Variants in LMNTD1 observed in about 807,000 individuals in gnomAD.
LMNTD1 encodes lamin tail domain-containing protein 1.
In LMNTD1, 35 loss-of-function variants were observed where a neutral mutation model predicts 50.9. That is an observed-to-expected ratio of 0.69 (90% CI 0.53 to 0.91). LMNTD1 has a LOEUF of 0.91. Ranked by LOEUF, LMNTD1 falls within the 40% of genes least tolerant of loss-of-function variation. LMNTD1 has a pLI of 0.00. For missense variants in LMNTD1, 470 were observed against 475.5 expected, an observed-to-expected ratio of 0.99 and a Z score of 0.11; for synonymous variants, 153 against 161.9, an observed-to-expected ratio of 0.94 and a Z score of 0.42.
chr12:25,490,134 T>A (rs1938836147), intron 9 of LMNTD1, among the ~76,000 whole-genome samples: 1 of 151,996 alleles, frequency 6.6e-6, no homozygotes, highest in Non-Finnish European at 1.5e-5. Context: ...TGTAACACTA[T>A]CCCTTACTTT....
intron 1 of LMNTD1, among the ~76,000 whole-genome samples, chr12:25,572,311 T>A (rs1168571469): frequency 6.6e-6 from 1 of 152,224 alleles, no homozygotes; most frequent in Non-Finnish European, 1.5e-5. Flanking sequence ...CCTTCCATTA[T>A]ATTCAGAGTA....
chr12:25,527,704 A>G (rs1485062796), intron 4 of LMNTD1, among the ~76,000 whole-genome samples: 1 of 127,818 alleles, frequency 7.8e-6, no homozygotes, highest in African/African-American at 3.0e-5. Flanking sequence ...ACACACACAC[A>G]CACACACACA....
chr12:25,625,588 C>T (rs760733503), intron 1 of LMNTD1, among the ~76,000 whole-genome samples: 2 of 152,166 alleles, frequency 1.3e-5, no homozygotes, highest in South Asian at 2.1e-4. Flanking sequence ...CCAATTGAGC[C>T]CCCTGCTCAA....
At chr12:25,614,813 T>C (rs1280850862) in intron 1 of LMNTD1, among the ~76,000 whole-genome samples, 3 of 152,196 alleles carry the variant, frequency 2.0e-5, no homozygotes, top group Non-Finnish European at 4.4e-5. Flanking sequence ...TTCTGGAAAC[T>C]GGAAGTCCAA....
chr12:25,478,975 T>C (rs1221808457), intron 9 of LMNTD1, among the ~76,000 whole-genome samples: 1 of 152,144 alleles, frequency 6.6e-6, no homozygotes, highest in Non-Finnish European at 1.5e-5. Flanking sequence ...GGTTTCCCAT[T>C]GACCTTAATC....
chr12:25,602,416 C>A (rs1384126866), intron 1 of LMNTD1, among the ~76,000 whole-genome samples: 5 of 151,846 alleles, frequency 3.3e-5, no homozygotes, highest in Non-Finnish European at 5.9e-5. Flanking sequence ...GAGAAAAGGG[C>A]AAAGTAGCAG....
intron 4 of LMNTD1, among the ~76,000 whole-genome samples, chr12:25,543,253 T>C (rs904854901): frequency 3.9e-5 from 6 of 151,944 alleles, no homozygotes; most frequent in African/African-American, 1.4e-4. Flanking sequence ...AGAGACTATA[T>C]CCCATCTCAT....
chr12:25,592,473 T>C (rs1181535210), intron 1 of LMNTD1: 1 of 152,252 alleles, frequency 6.6e-6, no homozygotes, highest in African/African-American at 2.4e-5. Flanking sequence ...GTCTAGATTA[T>C]GGCAGAAAAT....
At chr12:25,478,131 T>C (rs150644175) in intron 9 of LMNTD1, among the ~76,000 whole-genome samples, 222 of 152,176 alleles carry the variant, frequency 1.5e-3, no homozygotes, top group African/African-American at 5.3e-3. Context: ...CAAATGTTAA[T>C]CTCCTTTGGC....
chr12:25,512,337 T>C (rs750704579), intron 8 of LMNTD1, among the ~76,000 whole-genome samples: 4 of 152,166 alleles, frequency 2.6e-5, no homozygotes, highest in Non-Finnish European at 5.9e-5. Context: ...CCCTAGTTCA[T>C]GGATGTTGCT....
intron 1 of LMNTD1, among the ~76,000 whole-genome samples, chr12:25,604,619 A>G (rs1946055004): frequency 6.6e-6 from 1 of 151,446 alleles, no homozygotes; most frequent in South Asian, 2.1e-4. Flanking sequence ...TGTCCTTGCG[A>G]TAGTTTGCTG....
At chr12:25,534,449 T>C (rs531009780) in intron 4 of LMNTD1, among the ~76,000 whole-genome samples, 3 of 152,194 alleles carry the variant, frequency 2.0e-5, no homozygotes, top group East Asian at 3.9e-4. Flanking sequence ...CTCGAGAAAA[T>C]TTCAAGGCTG....
At chr12:25,500,693 G>C (rs1281686167) in intron 9 of LMNTD1, among the ~76,000 whole-genome samples, 1 of 152,008 alleles carries the variant, frequency 6.6e-6, no homozygotes, top group Non-Finnish European at 1.5e-5. Flanking sequence ...GTATTTCCTA[G>C]CAAGTCTAAA....
chr12:25,526,644 A>G, intron 5 of LMNTD1, 125 bp downstream of exon 5: 1 of 579,640 alleles, frequency 1.7e-6, no homozygotes, highest in Non-Finnish European at 2.8e-6. Flanking sequence ...ACCAACAACA[A>G]AATCACATCT....
At chr12:25,497,647 A>T (rs1216620026) in intron 9 of LMNTD1, 1 of 151,958 alleles carries the variant, frequency 6.6e-6, no homozygotes, top group Non-Finnish European at 1.5e-5. Flanking sequence ...AAAATACAAA[A>T]ATTAGCCATG....
At chr12:25,602,508 C>CT (rs1283742384) in intron 1 of LMNTD1, among the ~76,000 whole-genome samples, 1 of 151,988 alleles carries the variant, frequency 6.6e-6, no homozygotes, top group Admixed American at 6.6e-5. Context: ...AGTCATAGGA[C>CT]TACCTTTTCT....
intron 4 of LMNTD1, among the ~76,000 whole-genome samples, chr12:25,543,674 T>C (rs1943250486): frequency 6.6e-6 from 1 of 151,788 alleles, no homozygotes; most frequent in African/African-American, 2.4e-5. Flanking sequence ...TTGAGATACG[T>C]TGTTAGATTG....
chr12:25,489,589 T>G (rs1180048779), intron 9 of LMNTD1, among the ~76,000 whole-genome samples: 1 of 150,580 alleles, frequency 6.6e-6, no homozygotes, highest in African/African-American at 2.5e-5. Flanking sequence ...ACCAGTCTTC[T>G]GCGTCGCTCA....
At chr12:25,645,242 A>T (rs1308917215) in intron 1 of LMNTD1, among the ~76,000 whole-genome samples, 1 of 152,210 alleles carries the variant, frequency 6.6e-6, no homozygotes, top group Non-Finnish European at 1.5e-5. Context: ...GCATGTTTTC[A>T]ATTAAATGAT....
Sources: gnomAD v4.1 joint callset for allele counts (sites outside exome capture counted in the v4.1 genomes callset) on GRCh38, gnomAD v4.1.1 for gene constraint, MANE v1.5 for transcripts, NCBI Gene and HGNC (gene_info 2026-07-23, HGNC 2026-07-21) for gene names.